Variants in CLTRN observed in about 807,000 individuals in gnomAD.
CLTRN encodes collectrin, amino acid transport regulator, also known as collectrin.
CLTRN carries 12 observed loss-of-function variants against 14.5 expected under a neutral mutation model. The ratio of observed to expected loss-of-function variants is 0.83; its 90% CI spans 0.53 to 1.34. The LOEUF (loss-of-function observed/expected upper bound fraction) is 1.34. Among genes scored for constraint, CLTRN ranks in the 40% most tolerant of loss-of-function variants. The pLI is 0.00. For synonymous variants in CLTRN, 58 were observed against 56.5 expected, an observed-to-expected ratio of 1.03 and a Z score of -0.12; for missense variants, 154 against 165.1, an observed-to-expected ratio of 0.93 and a Z score of 0.37.
intron 1 of CLTRN, among the ~76,000 whole-genome samples, chrX:15,671,850 A>ATG (rs1569257532): frequency 2.6e-5 from 2 of 77,033 alleles, no homozygotes; most frequent in East Asian, 4.2e-4. Context: ...GCGCGCACAC[A>ATG]CACACACACA....
At chrX:15,636,820 C>G (rs1253170320) in intron 5 of CLTRN, among the ~76,000 whole-genome samples, 9 of 111,185 alleles carry the variant, frequency 8.1e-5, no homozygotes. Context: ...AGTCAATCCT[C>G]ATGAAAGCCC....
chrX:15,654,168 C>T (rs749644567), intron 3 of CLTRN, among the ~76,000 whole-genome samples: 2 of 111,936 alleles, frequency 1.8e-5, no homozygotes, highest in East Asian at 2.8e-4. Flanking sequence ...AGCACAAGAC[C>T]GTTAATCCCC....
Position 15,627,836 on chromosome X carries a change from T to C in CLTRN, c.*135A>G. On this transcript the variant is annotated 3_prime_UTR_variant, in exon 6 of 6. Transcript: ENST00000380342. ...GGGTATAATTGATTGCTTTTCACTT[T>C]CAAGCACATTCAAAATTTATTACAA... 3 of 459,710 alleles carry C rather than the reference T, an allele frequency of 6.5e-6. No homozygotes were observed. Among genetic ancestry groups the C allele is most frequent in the Non-Finnish European group, 9.6e-6 (3 of 312,074 alleles). 37.9% of individuals were successfully genotyped at this position (459,710 alleles called of 1,213,427 possible). A position where few individuals can be genotyped will look rare whatever the true frequency, so the allele number is the denominator to read the frequency against.
At chrX:15,662,262 C>G in intron 2 of CLTRN, among the ~76,000 whole-genome samples, 1 of 109,974 alleles carries the variant, frequency 9.1e-6, no homozygotes, top group East Asian at 2.9e-4. Flanking sequence ...ATAGATACAT[C>G]TCATCAATTT....
chrX:15,655,250 T>C (rs960318064), intron 3 of CLTRN, among the ~76,000 whole-genome samples: 1 of 112,189 alleles, frequency 8.9e-6, no homozygotes, highest in Non-Finnish European at 1.9e-5. Context: ...GTGAGATAGA[T>C]AAGGAAAGGC....
intron 3 of CLTRN, among the ~76,000 whole-genome samples, chrX:15,648,613 C>T (rs1929145054): frequency 9.0e-6 from 1 of 110,954 alleles, no homozygotes; most frequent in Non-Finnish European, 1.9e-5. Context: ...GAGTTTGAGA[C>T]CAGTCTGGCC....
chrX:15,668,280 C>T (rs755015736), upstream of CLTRN, among the ~76,000 whole-genome samples: 10 of 111,872 alleles, frequency 8.9e-5, no homozygotes, highest in South Asian at 2.6e-3. Context: ...GGGAATAAGA[C>T]GCACCCTTGT....
chrX:15,666,274 A>G (rs1467803545), upstream of CLTRN, among the ~76,000 whole-genome samples: 1 of 112,074 alleles, frequency 8.9e-6, no homozygotes, highest in Non-Finnish European at 1.9e-5. Context: ...ACAAAGCCTC[A>G]GAGATGCTCT....
Position 15,627,986 on chromosome X carries a change from C to T in CLTRN, c.654G>A (p.Arg218=). The T allele has an allele frequency of 9.6e-7, 1 of 1,037,473 alleles. No individual in the cohort carries two copies. Among genetic ancestry groups the T allele is most frequent in the Non-Finnish European group, 1.2e-6 (1 of 800,140 alleles). 85.5% of individuals were successfully genotyped at this position (1,037,473 alleles called of 1,213,427 possible). A position where few individuals can be genotyped will look rare whatever the true frequency, so the allele number is the denominator to read the frequency against. ...INDAFMTEDE[R]LTPL ...CAACAGCCCTTCAGAGAGGGGTGAG[C>T]CTCTCATCCTCTGTCATGAAGGCAT... The change falls in exon 6 of 6, where the codon AGG becomes AGA. Residue 218 remains arginine (R), a synonymous_variant. Coordinates refer to ENST00000380342, the MANE Select transcript of CLTRN (RefSeq NM_020665.6).
chrX:15,646,697 G>A (rs1929084939), intron 3 of CLTRN: 1 of 339,568 alleles, frequency 2.9e-6, no homozygotes, highest in South Asian at 2.6e-5. Flanking sequence ...AGGCCTGGAG[G>A]TGCTTTCCCA....
intron 5 of CLTRN, 51 bp downstream of exon 5, chrX:15,639,511 C>T: frequency 1.8e-6 from 2 of 1,090,094 alleles, no homozygotes; most frequent in Non-Finnish European, 2.5e-6. Flanking sequence ...TTGTCCAAGT[C>T]ATGAGGAAAT....
intron 3 of CLTRN, among the ~76,000 whole-genome samples, chrX:15,654,932 C>G (rs1202000244): frequency 3.6e-5 from 4 of 112,447 alleles, no homozygotes; most frequent in African/African-American, 1.3e-4. Context: ...TGATGTTGCT[C>G]ACACTGTTCC....
chrX:15,639,847 A>G (rs1398597298), intron 4 of CLTRN, 91 bp from the exon 5 acceptor site: 6 of 886,751 alleles, frequency 6.8e-6, no homozygotes, highest in Non-Finnish European at 7.8e-6. Flanking sequence ...ATGATTATAA[A>G]TATCTCTATA....
At chrX:15,663,457 T>C (rs1929553856) in intron 2 of CLTRN, among the ~76,000 whole-genome samples, 1 of 112,533 alleles carries the variant, frequency 8.9e-6, no homozygotes, top group African/African-American at 3.2e-5. Context: ...TACTAATACC[T>C]GTACTACTAT....
chrX:15,660,528 G>A (rs1324675495), intron 2 of CLTRN, among the ~76,000 whole-genome samples: 2 of 110,042 alleles, frequency 1.8e-5, no homozygotes, highest in Non-Finnish European at 3.8e-5. Context: ...CAGAAAAGGG[G>A]GACAGGAGTG....
chrX:15,651,736 C>T (rs149378149), intron 3 of CLTRN, among the ~76,000 whole-genome samples: 4 of 111,124 alleles, frequency 3.6e-5, no homozygotes, highest in Admixed American at 1.9e-4. Context: ...GCTTGGCCCA[C>T]GTGGATTCAG....
chrX:15,671,351 T>C (rs1929714697), intron 1 of CLTRN, among the ~76,000 whole-genome samples: 1 of 112,182 alleles, frequency 8.9e-6, no homozygotes, highest in Admixed American at 9.4e-5. Context: ...AGATAAAACA[T>C]GAAAGCCCAC....
rs149834187 is a variant in CLTRN at position 15,643,931 on chromosome X, T to C, written c.317+985A>G. Among the ~76,000 whole-genome samples the C allele has an allele frequency of 8.9e-5, 10 of 112,398 alleles. No individual in the cohort carries two copies. The Admixed American group carries it at 9.4e-4, about 11-fold the overall frequency. On this transcript the variant is annotated intron_variant, in intron 4 of 5. Coordinates refer to ENST00000380342, the MANE Select transcript of CLTRN (RefSeq NM_020665.6). ...TGGGGAGAGCTACTTTGCTTTGTTC[T>C]AGTTTATTTCCTGAGCTCATTTTTT...
chrX:15,650,836 C>G (rs1209195211), intron 3 of CLTRN, among the ~76,000 whole-genome samples: 3 of 112,057 alleles, frequency 2.7e-5, no homozygotes, highest in Non-Finnish European at 5.6e-5. Context: ...CCCACAGTAG[C>G]AATGTTGTGG....
Sources: gnomAD v4.1 joint callset for allele counts (sites outside exome capture counted in the v4.1 genomes callset) on GRCh38, gnomAD v4.1.1 for gene constraint, MANE v1.5 for transcripts, NCBI Gene and HGNC (gene_info 2026-07-23, HGNC 2026-07-21) for gene names.